Variants in CENPF observed in about 807,000 individuals in gnomAD.
CENPF encodes AH antigen.
A neutral mutation model predicts 307.3 loss-of-function variants in CENPF; 214 were observed. The ratio of observed to expected loss-of-function variants is 0.70; its 90% CI spans 0.62 to 0.78. CENPF has a LOEUF of 0.78. CENPF is among the 30% of genes least tolerant of loss of function. The pLI is 0.00. For missense variants in CENPF, 3,401 were observed against 3,483.9 expected (o/e 0.98, Z 0.60); for synonymous variants, 1,259 against 1,270.6 (o/e 0.99, Z 0.19).
chr1:214,624,078 C>G (rs1416119729), intron 7 of CENPF, among the ~76,000 whole-genome samples: 1 of 152,042 alleles, frequency 6.6e-6, no homozygotes, highest in Admixed American at 6.6e-5. Flanking sequence ...GTGGGTTGCA[C>G]TGATTGATTT....
chr1:214,613,854 AAGC>A lies in CENPF; in HGVS notation c.105_107del (p.Gln36del). The A allele has an allele frequency of 1.9e-6, 3 of 1,613,990 alleles. No individual in the cohort carries two copies. The highest frequency in any genetic ancestry group is 2.5e-6 in the Non-Finnish European group (3 of 1,179,942). On this transcript the variant is annotated inframe_deletion, in exon 2 of 20. Coordinates refer to ENST00000366955, the MANE Select transcript of CENPF (RefSeq NM_016343.4). ...ACAGCTTGACAAACTGAAGAAGGAAAAGCAGCAAAGGCAGTTTCAGCTTGACAG... is the reference window on the plus strand; with the variant it reads ...ACAGCTTGACAAACTGAAGAAGGAAAAGCAAAGGCAGTTTCAGCTTGACAG...
At chr1:214,631,046 A>G (rs1657794331) in intron 9 of CENPF, among the ~76,000 whole-genome samples, 1 of 152,198 alleles carries the variant, frequency 6.6e-6, no homozygotes, top group African/African-American at 2.4e-5. Context: ...TTTACATATC[A>G]TCTATGTGAT....
At chr1:214,620,040 T>G (rs75602497) in intron 5 of CENPF, among the ~76,000 whole-genome samples, 7,230 of 151,472 alleles carry the variant, frequency 0.048, 234 homozygotes, top group East Asian at 0.12. Flanking sequence ...CCTCTTCCTA[T>G]GGCAAAAAAA....
chr1:214,647,389 T>G lies in CENPF; in HGVS notation c.7819T>G (p.Phe2607Val). Residue 2607 changes from phenylalanine to valine, a missense_variant, in exon 13 of 20, where the codon TTT (phenylalanine) becomes GTT (valine). Coordinates refer to ENST00000366955, the MANE Select transcript of CENPF (RefSeq NM_016343.4). ...LELTKMDKMS[F>V]VEKVNKMTAK... Reference sequence around the variant, plus strand: ...ATTGACAAAAATGGACAAAATGTCCTTTGTTGAAAAAGTAAGTGGCTATAT... The same window carrying G: ...ATTGACAAAAATGGACAAAATGTCCGTTGTTGAAAAAGTAAGTGGCTATAT... 6.2e-7 allele frequency: 1 copy of G among 1,604,832 alleles called. No individual in the cohort carries two copies. The highest frequency in any genetic ancestry group is 8.5e-7 in the Non-Finnish European group (1 of 1,175,070).
chr1:214,662,428 A>G (rs1318849306), intron 19 of CENPF, among the ~76,000 whole-genome samples: 2 of 152,180 alleles, frequency 1.3e-5, no homozygotes. Flanking sequence ...CAGATTTACT[A>G]TGTTTCATGT....
chr1:214,647,260 G>C lies in CENPF; in HGVS notation c.7690G>C (p.Glu2564Gln). 3 of 1,614,070 alleles carry C rather than the reference G, an allele frequency of 1.9e-6. No individual in the cohort carries two copies. Among genetic ancestry groups the C allele is most frequent in the Non-Finnish European group, 2.5e-6 (3 of 1,179,952 alleles). ...CTTAGAACTGAGAAATCTGACAGTG[G>C]AATTGGAGCAGAAGATCCAAGTGCT... is the stretch of plus-strand genomic sequence containing the variant. ...QNLELRNLTV[E>Q]LEQKIQVLQS... is the part of the protein sequence containing the mutation. The change falls in exon 13 of 20, where the codon GAA becomes CAA. Residue 2564 changes from glutamate to glutamine, a missense_variant. Coordinates refer to ENST00000366955, the MANE Select transcript of CENPF (RefSeq NM_016343.4).
At chr1:214,608,142 C>A (rs1657089157) in intron 1 of CENPF, among the ~76,000 whole-genome samples, 1 of 152,232 alleles carries the variant, frequency 6.6e-6, no homozygotes, top group Admixed American at 6.5e-5. Flanking sequence ...CATGTGGAGG[C>A]TGCACCTGCA....
Position 214,638,013 on chromosome 1 carries a change from T to C in CENPF, c.1582+12T>C. ...AGAAGAAATGAAAGGTAAGTAAACTTAGTATTTTAGAGTTACCTTTCTAAG... is the reference window on the plus strand; with the variant it reads ...AGAAGAAATGAAAGGTAAGTAAACTCAGTATTTTAGAGTTACCTTTCTAAG... On this transcript the variant is annotated intron_variant, in intron 11 of 19. Coordinates refer to ENST00000366955, the MANE Select transcript of CENPF (RefSeq NM_016343.4). 6.2e-7 allele frequency: 1 copy of C among 1,604,370 alleles called. No individual in the cohort carries two copies. Among genetic ancestry groups the C allele is most frequent in the Non-Finnish European group, 8.5e-7 (1 of 1,176,748 alleles).
At chr1:214,608,768 T>C in intron 1 of CENPF, 3 of 1,600,570 alleles carry the variant, frequency 1.9e-6, no homozygotes, top group Non-Finnish European at 2.5e-6. Context: ...AAGGCGAGCT[T>C]GGCAGCGATG....
In CENPF at chr1:214,657,064, A is replaced by G; in HGVS notation, c.8617A>G (p.Lys2873Glu). The change falls in exon 18 of 20, where the codon AAG (lysine) becomes GAG (glutamate). Residue 2873 changes from lysine (K) to glutamate (E), a missense_variant. Physicochemically the swap from Lys to Glu is moderately conservative, Grantham distance 56. Transcript: ENST00000366955. Reference protein sequence around the residue: ...KYCSLLISHEKLEKAKEMLET... With the variant: ...KYCSLLISHEELEKAKEMLET... ...CTGTTCCTTGCTTATAAGCCATGAAAAGTTAGAGAAAGCTAAAGAGATGTT... is the reference window on the plus strand; with the variant it reads ...CTGTTCCTTGCTTATAAGCCATGAAGAGTTAGAGAAAGCTAAAGAGATGTT... 6.2e-7 allele frequency: 1 copy of G among 1,614,156 alleles called. No individual in the cohort carries two copies. The highest frequency in any genetic ancestry group is 8.5e-7 in the Non-Finnish European group (1 of 1,180,006).
At chr1:214,608,602 T>C in intron 1 of CENPF, 1 of 1,608,588 alleles carries the variant, frequency 6.2e-7, no homozygotes, top group South Asian at 1.1e-5. Context: ...CAGCTCGCGC[T>C]GGCTGTACTG....
intron 14 of CENPF, among the ~76,000 whole-genome samples, chr1:214,650,289 A>G (rs1026070232): frequency 6.8e-6 from 1 of 146,170 alleles, no homozygotes; most frequent in African/African-American, 2.5e-5. Flanking sequence ...ATTGAAAGGA[A>G]GCCATTGTGG....
rs1467444216 is a variant in CENPF, at chr1:214,629,139, A to T, written c.1162A>T (p.Lys388Ter). ...AESARCSLEQKIKEKEKEFQE... is the reference protein window; with the variant it reads ...AESARCSLEQ ...AAGTGCCAGATGTTCTCTGGAACAG[A>T]AAATTAAGGAAAAAGAAAAGGAGTT... Residue 388 changes from lysine (K) to a stop codon, truncating the protein, a stop_gained, in exon 8 of 20, where the codon AAA becomes TAA. Coordinates refer to ENST00000366955, the MANE Select transcript of CENPF (RefSeq NM_016343.4). LOFTEE classifies it high-confidence loss of function. 2 of 1,608,726 alleles carry T rather than the reference A, an allele frequency of 1.2e-6. No individual in the cohort carries two copies. Among genetic ancestry groups the T allele is most frequent in the Non-Finnish European group, 1.7e-6 (2 of 1,178,604 alleles).
At chr1:214,655,090 C>T (rs390110) in intron 16 of CENPF, 151 bp from the exon 17 acceptor site, 46 of 485,296 alleles carry the variant, frequency 9.5e-5, no homozygotes, top group Non-Finnish European at 1.6e-4. Flanking sequence ...GAGTAGAGAA[C>T]GTGAATGGTT....
In CENPF at chr1:214,620,770, C is replaced by T; in HGVS notation, c.689C>T (p.Ser230Phe). Residue 230 changes from serine (S) to phenylalanine (F), a missense_variant, in exon 6 of 20, where the codon TCT becomes TTT. Physicochemically the swap from Ser to Phe is radical, Grantham distance 155. Coordinates refer to ENST00000366955, the MANE Select transcript of CENPF (RefSeq NM_016343.4). ...QQEKTPSHLS[S>F]NSQRTPIRRD... Reference sequence around the variant, plus strand: ...GAGAAGACCCCAAGTCATCTTTCATCTAATTCTCAAAGAACTCCAATTAGG... The same window carrying T: ...GAGAAGACCCCAAGTCATCTTTCATTTAATTCTCAAAGAACTCCAATTAGG... The T allele has an allele frequency of 6.2e-7, 1 of 1,614,198 alleles. No individual in the cohort carries two copies. Among genetic ancestry groups the T allele is most frequent in the Non-Finnish European group, 8.5e-7 (1 of 1,180,026 alleles).
chr1:214,604,772 T>A (rs556424806), intron 1 of CENPF, among the ~76,000 whole-genome samples: 1 of 152,222 alleles, frequency 6.6e-6, no homozygotes, highest in South Asian at 2.1e-4. Context: ...TTGAGAGGCA[T>A]GTGACTCCTT....
Position 214,609,991 on chromosome 1 carries a change from T to C in CENPF, c.-41-3723T>C, listed in dbSNP as rs144074705. On this transcript the variant is annotated intron_variant, in intron 1 of 19. Coordinates refer to ENST00000366955, the MANE Select transcript of CENPF (RefSeq NM_016343.4). The stretch of plus-strand genomic sequence containing the variant: ...ATGTCTTTGCTATTGTGAACAGTGC[T>C]GCAATGAACATTTGTGTGTGCATGT... 1.3e-3 allele frequency among the ~76,000 whole-genome samples: 204 copies of C among 151,938 alleles called. 2 individuals carry two copies. The highest frequency in any genetic ancestry group is 4.7e-3 in the African/African-American group (197 of 41,492).
At position 214,664,365 on chromosome 1, in the gene CENPF, T is replaced by C. The variant is rs1331089664; in HGVS notation, c.*571T>C. The stretch of plus-strand genomic sequence containing the variant: ...TTTAGACATCTTTGCTTATGAAACC[T>C]GTACATATGTGTGTGTGGGTATGTG... On this transcript the variant is annotated 3_prime_UTR_variant, in exon 20 of 20. Coordinates refer to ENST00000366955, the MANE Select transcript of CENPF (RefSeq NM_016343.4). The C allele has an allele frequency of 2.0e-5, 3 of 153,002 alleles. No individual in the cohort carries two copies. Among genetic ancestry groups the C allele is most frequent in the African/African-American group, 7.2e-5 (3 of 41,464 alleles). The allele number at this position is 153,002 out of a possible 1,614,324, so 9.5% of individuals were successfully genotyped here. A position where few individuals can be genotyped will look rare whatever the true frequency, so the allele number is the denominator to read the frequency against.
chr1:214,648,573 T>C, intron 13 of CENPF, 102 bp from the exon 14 acceptor site: 2 of 1,335,388 alleles, frequency 1.5e-6, no homozygotes, highest in Non-Finnish European at 2.1e-6. Flanking sequence ...CATTTTATGA[T>C]TGAAGGCTAA....
Sources: allele counts gnomAD v4.1 joint callset (sites outside exome capture counted in the v4.1 genomes callset), GRCh38; gene constraint gnomAD v4.1.1; transcripts MANE v1.5; gene names NCBI Gene and HGNC (gene_info 2026-07-23, HGNC 2026-07-21).